POR: variants seen among roughly 807,000 people sequenced by gnomAD.
POR encodes the protein cytochrome p450 oxidoreductase, also known as NADPH--cytochrome P450 reductase.
POR carries 56 observed loss-of-function variants against 84.0 expected under a neutral mutation model. The observed-to-expected ratio is 0.67, with a 90% CI of 0.54 to 0.83. The LOEUF is 0.83. POR is among the 40% of genes least tolerant of loss of function. POR has a pLI of 0.00. For synonymous variants in POR, 414 were observed against 400.5 expected (o/e 1.03, Z -0.40); for missense variants, 938 against 944.3 (o/e 0.99, Z 0.09).
Position 75,981,796 on chromosome 7 carries a change from G to A in POR, c.731+190G>A, listed in dbSNP as rs574667459. ...TTGCTCTGCACTGCCCTGGGGCAGC[G>A]GGGTGCATCCCACCTCTCGACAAGG... On this transcript the variant is annotated intron_variant, in intron 7 of 15. Transcript: ENST00000461988. 1.2e-4 allele frequency: 71 copies of A among 599,188 alleles called. 1 individual carries two copies. The highest frequency in any genetic ancestry group is 7.0e-4 in the South Asian group (33 of 46,966). The allele number at this position is 599,188 out of a possible 1,614,324, so 37.1% of individuals were successfully genotyped here.
At chr7:75,932,059 A>G (rs1807447531) in intron 1 of POR, among the ~76,000 whole-genome samples, 1 of 152,238 alleles carries the variant, frequency 6.6e-6, no homozygotes, top group Admixed American at 6.5e-5. Flanking sequence ...TTGAAGAGGA[A>G]GAGCTGCAGA....
intron 5 of POR, 123 bp downstream of exon 5, chr7:75,980,611 G>A (rs868919348): frequency 1.3e-6 from 2 of 1,596,346 alleles, no homozygotes; most frequent in Middle Eastern, 1.7e-4. Context: ...AGCCAGGGCA[G>A]GCCACTTGTG....
At chr7:75,929,751 C>A (rs1485175632) in intron 1 of POR, among the ~76,000 whole-genome samples, 1 of 152,086 alleles carries the variant, frequency 6.6e-6, no homozygotes, top group Non-Finnish European at 1.5e-5. Flanking sequence ...CCTGTTGGAC[C>A]GAAGGAAGCC....
chr7:75,969,302 C>G (rs1053899490), intron 2 of POR, among the ~76,000 whole-genome samples: 3 of 152,162 alleles, frequency 2.0e-5, no homozygotes, highest in Non-Finnish European at 4.4e-5. Context: ...AGTGTGGGCA[C>G]GAGAGGGGCG....
intron 1 of POR, among the ~76,000 whole-genome samples, chr7:75,916,901 C>G (rs546190733): frequency 6.6e-6 from 1 of 152,230 alleles, no homozygotes; most frequent in Non-Finnish European, 1.5e-5. Context: ...TGTTGGTTAA[C>G]TCTGGGTTGA....
intron 2 of POR, among the ~76,000 whole-genome samples, chr7:75,968,489 C>T (rs1388151822): frequency 2.0e-5 from 3 of 152,228 alleles, no homozygotes; most frequent in Non-Finnish European, 4.4e-5. Flanking sequence ...TGAGGTCCTC[C>T]GATGGAATGG....
rs564603057 is a variant in POR at position 75,973,471 on chromosome 7, G to A, written c.237+1010G>A. Among the ~76,000 whole-genome samples the A allele has an allele frequency of 1.6e-3, 239 of 151,684 alleles. 2 individuals are homozygous for A. The highest frequency in any genetic ancestry group is 0.011 in the South Asian group (54 of 4,800). ...TGGGACTACAGGTGCACACCACCAC[G>A]CCTGGCTAATTTTTTAATTTATTCT... On this transcript the variant is annotated intron_variant, in intron 3 of 15. Coordinates refer to ENST00000461988, the MANE Select transcript of POR (RefSeq NM_000941.3).
rs111632349 is a variant in POR, at chr7:75,981,473, T to C, written c.642-44T>C. ...CCTGGCACCAGGTACCGTTGCCACA[T>C]GGGCCTCCCCTGAGCCGCTCCCCCT... On this transcript the variant is annotated intron_variant, in intron 6 of 15. Coordinates refer to ENST00000461988, the MANE Select transcript of POR (RefSeq NM_000941.3). 361 of 1,561,110 alleles carry C rather than the reference T, an allele frequency of 2.3e-4. 2 individuals carry two copies. The African/African-American group carries it at 3.8e-3, about 16-fold the overall frequency.
Position 75,981,420 on chromosome 7 carries a change from T to G in POR, c.642-97T>G. ...TGCCCCAGGGTGCACAGTCCTGAGCTTTGGGGATGGGGTGGGGTCGGGGCG... is the reference window on the plus strand; with the variant it reads ...TGCCCCAGGGTGCACAGTCCTGAGCGTTGGGGATGGGGTGGGGTCGGGGCG... On this transcript the variant is annotated intron_variant, in intron 6 of 15. Coordinates refer to ENST00000461988, the MANE Select transcript of POR (RefSeq NM_000941.3). The G allele has an allele frequency of 2.3e-6, 3 of 1,317,538 alleles. No homozygotes were observed. The South Asian group carries it at 3.8e-5, about 17-fold the overall frequency. The allele number at this position is 1,317,538 out of a possible 1,614,324, so 81.6% of individuals were successfully genotyped here.
chr7:75,930,781 C>T (rs1400159088), intron 1 of POR, among the ~76,000 whole-genome samples: 1 of 151,938 alleles, frequency 6.6e-6, no homozygotes, highest in African/African-American at 2.4e-5. Flanking sequence ...CTCGACCTCC[C>T]AGAGTGCTGG....
intron 3 of POR, among the ~76,000 whole-genome samples, chr7:75,973,930 G>T (rs540452221): frequency 6.6e-6 from 1 of 150,960 alleles, no homozygotes; most frequent in Non-Finnish European, 1.5e-5. Flanking sequence ...CATCTGCCTC[G>T]GTCTCCCAAA....
Position 75,983,817 on chromosome 7 carries a change from GC to G in POR, c.1029del (p.Asp344ThrfsTer8), listed in dbSNP as rs782425291. 1.2e-6 allele frequency: 2 copies of G among 1,611,940 alleles called. No individual in the cohort carries two copies. The highest frequency in any genetic ancestry group is 1.7e-6 in the Non-Finnish European group (2 of 1,179,544). On this transcript the variant is annotated frameshift_variant, in exon 10 of 16. Coordinates refer to ENST00000461988, the MANE Select transcript of POR (RefSeq NM_000941.3). LOFTEE classifies it high-confidence loss of function. The stretch of plus-strand genomic sequence containing the variant: ...CAACCAGCTGGGCAAAATCCTGGGT[GC>G]CGACCTGGACGTCGTCATGTCCCTG...
rs782288780 is a variant in POR at position 75,979,435 on chromosome 7, T to C, written c.238-16T>C. The C allele has an allele frequency of 2.5e-6, 4 of 1,611,384 alleles. No individual in the cohort carries two copies. The highest frequency in any genetic ancestry group is 3.4e-6 in the Non-Finnish European group (4 of 1,179,000). ...AGGTCTGTGGCCCTCACCAACCCTG[T>C]GTCTGCCTTCCTTAGGGGAGGAACA... is the stretch of plus-strand genomic sequence containing the variant. On this transcript the variant is annotated splice_polypyrimidine_tract_variant and intron_variant, in intron 3 of 15. Transcript: ENST00000461988.
At chr7:75,943,877 G>T (rs377012607) in intron 1 of POR, 2 of 507,506 alleles carry the variant, frequency 3.9e-6, no homozygotes, top group Non-Finnish European at 7.8e-6. Context: ...AGGGCTGCGC[G>T]TCTCCTGTGG....
At position 75,981,636 on chromosome 7, in the gene POR, G is replaced by A. The variant is rs782069160; in HGVS notation, c.731+30G>A. The stretch of plus-strand genomic sequence containing the variant: ...GCAAGTGCCCGCAGGTGCGGTGGGT[G>A]GCCTGGGCGGGTCCTGTGCCGAGGG... On this transcript the variant is annotated intron_variant, in intron 7 of 15. Coordinates refer to ENST00000461988, the MANE Select transcript of POR (RefSeq NM_000941.3). 3.0e-5 allele frequency: 48 copies of A among 1,591,546 alleles called. No homozygotes were observed. In the Admixed American group the frequency reaches 7.5e-4, roughly 25 times the overall value.
intron 1 of POR, among the ~76,000 whole-genome samples, chr7:75,940,377 G>T (rs561857903): frequency 6.6e-6 from 1 of 152,170 alleles, no homozygotes; most frequent in African/African-American, 2.4e-5. Context: ...GTGAGCCGCT[G>T]TGCCTGGCTT....
rs1554559164 is a variant in POR, at chr7:75,985,782, G to T, written c.1602G>T (p.Val534=). 3.2e-6 allele frequency: 5 copies of T among 1,573,446 alleles called. No homozygotes were observed. In the Admixed American group the frequency reaches 9.3e-5, roughly 29 times the overall value. Residue 534 remains valine, a synonymous_variant, in exon 13 of 16, where the codon GTG becomes GTT. Coordinates refer to ENST00000461988, the MANE Select transcript of POR (RefSeq NM_000941.3). ...AGGCCACCACGCCTGTCATCATGGT[G>T]GGCCCCGGCACCGGGGTGGCACCCT...
At chr7:75,967,269 G>A (rs561963645) in intron 2 of POR, among the ~76,000 whole-genome samples, 2 of 151,982 alleles carry the variant, frequency 1.3e-5, no homozygotes, top group Non-Finnish European at 2.9e-5. Context: ...ACTGCACTCC[G>A]CCGAGCCTTG....
intron 2 of POR, among the ~76,000 whole-genome samples, chr7:75,971,349 C>A (rs2116527609): frequency 6.6e-6 from 1 of 152,252 alleles, no homozygotes; most frequent in East Asian, 1.9e-4. Context: ...CTCCACCACC[C>A]AGAGGAAGGT....
Sources: allele counts gnomAD v4.1 joint callset (sites outside exome capture counted in the v4.1 genomes callset), GRCh38; gene constraint gnomAD v4.1.1; transcripts MANE v1.5; gene names NCBI Gene and HGNC (gene_info 2026-07-23, HGNC 2026-07-21).